ZNF616: variants seen among roughly 807,000 people sequenced by gnomAD.
The protein encoded by ZNF616 is zinc finger protein 616.
A neutral mutation model predicts 7.6 loss-of-function variants in ZNF616; 5 were observed. That is an observed-to-expected ratio of 0.66 (90% CI 0.34 to 1.38). The LOEUF (loss-of-function observed/expected upper bound fraction) is 1.38. Among genes scored for constraint, ZNF616 ranks in the 40% most tolerant of loss-of-function variants. The pLI, the probability that ZNF616 is intolerant of heterozygous loss-of-function variation, is 0.04. For synonymous variants in ZNF616, 319 were observed against 317.2 expected, an observed-to-expected ratio of 1.01 and a Z score of -0.06; for missense variants, 913 against 948.3, an observed-to-expected ratio of 0.96 and a Z score of 0.49.
chr19:52,118,222 T>C (rs574069151), intron 3 of ZNF616, among the ~76,000 whole-genome samples: 2 of 152,298 alleles, frequency 1.3e-5, no homozygotes, highest in South Asian at 2.1e-4. Flanking sequence ...CGGGATTATA[T>C]ACAGGCATGA....
At chr19:52,134,297 G>A (rs1039326233) in intron 1 of ZNF616, among the ~76,000 whole-genome samples, 5 of 152,212 alleles carry the variant, frequency 3.3e-5, no homozygotes, top group African/African-American at 1.2e-4. Flanking sequence ...CATCTCACAT[G>A]AGTGTGAAAA....
In ZNF616 at chr19:52,115,651, G is replaced by A; in HGVS notation, c.1513C>T (p.His505Tyr). Reference protein sequence around the residue: ...CNECGKVFSQHSRLAVHRRIH... With the variant: ...CNECGKVFSQYSRLAVHRRIH... ...CTCCGATGCACTGCAAGACGTGAAT[G>A]TTGACTGAAGACCTTGCCACATTCA... The change falls in exon 4 of 4, where the codon CAT (histidine) becomes TAT (tyrosine). Residue 505 changes from histidine (H) to tyrosine (Y), a missense_variant. Transcript: ENST00000600228. 6.2e-7 allele frequency: 1 copy of A among 1,613,320 alleles called. No individual in the cohort carries two copies.
rs58300880 is a variant in ZNF616 at position 52,115,418 on chromosome 19, G to A, written c.1746C>T (p.Cys582=). The A allele has an allele frequency of 6.9e-3, 11,169 of 1,613,666 alleles. 600 individuals carry two copies. In the African/African-American group the frequency reaches 0.13, roughly 18 times the overall value. Residue 582 remains cysteine, a synonymous_variant, in exon 4 of 4, where the codon TGC becomes TGT. Coordinates refer to ENST00000600228, the MANE Select transcript of ZNF616 (RefSeq NM_178523.5). ...GTGAATACTGACTGTAGACCTTGCC[G>A]CATTCATTGCATTTGTAAGGTTTCT... The part of the protein sequence containing the change: ...SGEKPYKCNE[C]GKVYSQYSHL...
chr19:52,139,805 TG>T lies in ZNF616; in HGVS notation c.-151del, dbSNP rs1264319127. ...AGGTCCGTAGCGATCCCCAGATCAC[TG>T]GTACGGAGAAGTGAGGACTGCAAAG... On this transcript the variant is annotated 5_prime_UTR_variant, in exon 1 of 4. Transcript: ENST00000600228. This position sits in a 1 kb window ranked among gnomAD's most constrained non-coding sequence, Gnocchi z 4.1. The T allele has an allele frequency of 6.6e-6, 1 of 152,248 alleles. No homozygotes were observed. The highest frequency in any genetic ancestry group is 1.5e-5 in the Non-Finnish European group (1 of 68,080). 9.4% of individuals were successfully genotyped at this position (152,248 alleles called of 1,614,324 possible).
At chr19:52,131,322 T>C (rs1342601717) in intron 1 of ZNF616, among the ~76,000 whole-genome samples, 4 of 148,050 alleles carry the variant, frequency 2.7e-5, no homozygotes, top group Non-Finnish European at 5.9e-5. Flanking sequence ...TTACGGAGGC[T>C]GGGCCCCACC....
chr19:52,121,780 T>C (rs117020806), intron 3 of ZNF616, among the ~76,000 whole-genome samples: 1,651 of 152,288 alleles, frequency 0.011, 14 homozygotes, highest in Non-Finnish European at 0.018. Context: ...ACTGGACCCC[T>C]ATCTCTCATC....
In ZNF616 at chr19:52,114,847, T is replaced by C; in HGVS notation, c.2317A>G (p.Thr773Ala). ...HRIRHTGESL[T>A]TKLNVTRP ...GGCCTTGTCACATTGAGTTTAGTTGTAAGGCTCTCTCCAGTATGTCTTATT... is the reference window on the plus strand; with the variant it reads ...GGCCTTGTCACATTGAGTTTAGTTGCAAGGCTCTCTCCAGTATGTCTTATT... Residue 773 changes from threonine to alanine, a missense_variant, in exon 4 of 4, where the codon ACA (threonine) becomes GCA (alanine). By Grantham distance (58) the Thr-to-Ala change is moderately conservative (BLOSUM62 0). Coordinates refer to ENST00000600228, the MANE Select transcript of ZNF616 (RefSeq NM_178523.5). The C allele has an allele frequency of 6.3e-7, 1 of 1,593,820 alleles. No individual in the cohort carries two copies. Among genetic ancestry groups the C allele is most frequent in the Non-Finnish European group, 8.5e-7 (1 of 1,171,222 alleles).
chr19:52,114,737 G>C lies in ZNF616; in HGVS notation c.*81C>G, dbSNP rs376158125. 12 of 1,466,456 alleles carry C rather than the reference G, an allele frequency of 8.2e-6. No homozygotes were observed. In the African/African-American group the frequency reaches 1.1e-4, roughly 14 times the overall value. The allele number at this position is 1,466,456 out of a possible 1,614,324, so 90.8% of individuals were successfully genotyped here. On this transcript the variant is annotated 3_prime_UTR_variant, in exon 4 of 4. Coordinates refer to ENST00000600228, the MANE Select transcript of ZNF616 (RefSeq NM_178523.5). ...AATACTGGAGATTACAATTCCACAG[G>C]GATTTCAAGAGAAGGGGTAAATATA...
At chr19:52,123,168 A>C (rs2088877391) in intron 3 of ZNF616, among the ~76,000 whole-genome samples, 1 of 152,236 alleles carries the variant, frequency 6.6e-6, no homozygotes, top group Non-Finnish European at 1.5e-5. Context: ...GAGTATCCTC[A>C]AAAATATGGA....
chr19:52,124,927 A>T (rs2088893088), intron 2 of ZNF616, among the ~76,000 whole-genome samples: 1 of 152,146 alleles, frequency 6.6e-6, no homozygotes, highest in Admixed American at 6.5e-5. Context: ...AGGGCCAAAA[A>T]GCAGTGAACT....
rs569277874 is a variant in ZNF616 at position 52,114,266 on chromosome 19, C to T, written c.*552G>A. The stretch of plus-strand genomic sequence containing the variant: ...CTGTGATTTTTCTCCAGGATGTATA[C>T]ATCCTGGAATATATATACAAATTCT... On this transcript the variant is annotated 3_prime_UTR_variant, in exon 4 of 4. Transcript: ENST00000600228. 1.3e-5 allele frequency: 2 copies of T among 152,240 alleles called. No individual in the cohort carries two copies. Among genetic ancestry groups the T allele is most frequent in the Admixed American group, 1.3e-4 (2 of 15,280 alleles). The allele number at this position is 152,240 out of a possible 1,614,324, so 9.4% of individuals were successfully genotyped here. A position where few individuals can be genotyped will look rare whatever the true frequency, so the allele number is the denominator to read the frequency against.
At chr19:52,130,998 G>A (rs1158397960) in intron 1 of ZNF616, among the ~76,000 whole-genome samples, 3 of 152,220 alleles carry the variant, frequency 2.0e-5, no homozygotes, top group African/African-American at 7.2e-5. Context: ...GCTGGGAGCG[G>A]TGGCTCATGC....
At chr19:52,129,558 C>T (rs1219204615) in intron 2 of ZNF616, among the ~76,000 whole-genome samples, 5 of 152,032 alleles carry the variant, frequency 3.3e-5, no homozygotes, top group Admixed American at 2.6e-4. Flanking sequence ...GCAGGAACAC[C>T]GCAGTCTCTG....
chr19:52,134,903 T>C lies in ZNF616; in HGVS notation c.-76-4315A>G, dbSNP rs16983517. On this transcript the variant is annotated intron_variant, in intron 1 of 3. Coordinates refer to ENST00000600228, the MANE Select transcript of ZNF616 (RefSeq NM_178523.5). ...CATTTTGCCTCGTAGCTCCCTGTGA[T>C]TGTTGCAGCAGACAGAGGTGGGGGG... Among the ~76,000 whole-genome samples, 1,131 of 152,174 alleles carry C rather than the reference T, an allele frequency of 7.4e-3. 11 individuals carry two copies. Among genetic ancestry groups the C allele is most frequent in the African/African-American group, 0.021 (866 of 41,506 alleles).
rs1481135214 is a variant in ZNF616, at chr19:52,124,036, A to C, written c.26T>G (p.Phe9Cys). Residue 9 changes from phenylalanine to cysteine, a missense_variant, in exon 3 of 4, where the codon TTC becomes TGC. Physicochemically the swap from Phe to Cys is radical, Grantham distance 205. Coordinates refer to ENST00000600228, the MANE Select transcript of ZNF616 (RefSeq NM_178523.5). MATQGHLT[F>C]KDVAIEFSQE... is the part of the protein sequence containing the mutation. The stretch of plus-strand genomic sequence containing the variant: ...AGAGAATTCTATGGCTACATCCTTG[A>C]ATGTCAAATGCCCCTGAAATGAAAA... 6.2e-7 allele frequency: 1 copy of C among 1,604,560 alleles called. No individual in the cohort carries two copies. Among genetic ancestry groups the C allele is most frequent in the Non-Finnish European group, 8.5e-7 (1 of 1,177,690 alleles).
At chr19:52,129,226 T>C (rs978697974) in intron 2 of ZNF616, among the ~76,000 whole-genome samples, 2 of 151,900 alleles carry the variant, frequency 1.3e-5, no homozygotes, top group African/African-American at 4.8e-5. Context: ...TTGCAGTGAG[T>C]CGAGATCACG....
intron 1 of ZNF616, among the ~76,000 whole-genome samples, chr19:52,134,526 CG>C (rs1381311557): frequency 6.6e-6 from 1 of 152,070 alleles, no homozygotes; most frequent in Non-Finnish European, 1.5e-5. Context: ...TGAAGTGAGC[CG>C]GGGAGGTCTT....
At chr19:52,128,317 C>T (rs1214512374) in intron 2 of ZNF616, among the ~76,000 whole-genome samples, 4 of 152,022 alleles carry the variant, frequency 2.6e-5, no homozygotes, top group African/African-American at 9.7e-5. Context: ...TTGTGGAAAT[C>T]AAACCAAAAT....
intron 3 of ZNF616, among the ~76,000 whole-genome samples, chr19:52,122,704 T>C (rs1185598256): frequency 1.3e-5 from 2 of 151,172 alleles, no homozygotes; most frequent in African/African-American, 4.9e-5. Context: ...GCGCAATCTC[T>C]GCTCACTGCA....
Sources: gnomAD v4.1 joint callset for allele counts (sites outside exome capture counted in the v4.1 genomes callset) on GRCh38, gnomAD v4.1.1 for gene constraint, Gnocchi (gnomAD v3.1) non-coding constraint, MANE v1.5 for transcripts, NCBI Gene and HGNC (gene_info 2026-07-23, HGNC 2026-07-21) for gene names.